Variants in MGAT4C observed in about 807,000 individuals in gnomAD.
MGAT4C encodes MGAT4 family member C.
A neutral mutation model predicts 40.1 loss-of-function variants in MGAT4C; 19 were observed. That is an observed-to-expected ratio of 0.47 (90% CI 0.33 to 0.70). The LOEUF is 0.70. Ranked by LOEUF, MGAT4C falls within the 30% of genes least tolerant of loss-of-function variation. MGAT4C has a pLI of 0.02. For missense variants in MGAT4C, 491 were observed against 563.2 expected (o/e 0.87, Z 1.30); for synonymous variants, 181 against 187.1 (o/e 0.97, Z 0.27).
intron 1 of MGAT4C, among the ~76,000 whole-genome samples, chr12:86,158,323 C>G (rs1178605253): frequency 1.3e-5 from 2 of 152,042 alleles, no homozygotes; most frequent in Non-Finnish European, 2.9e-5. Flanking sequence ...AAATTTTGAC[C>G]ATTTTTTACC....
chr12:86,032,913 C>A (rs1457972539), intron 2 of MGAT4C, among the ~76,000 whole-genome samples: 1 of 149,720 alleles, frequency 6.7e-6, no homozygotes, highest in Admixed American at 6.7e-5. Flanking sequence ...ACATTTAAGT[C>A]TTTAAATCAT....
At chr12:86,675,171 C>T (rs1964361789) in intron 2 of MGAT4C, among the ~76,000 whole-genome samples, 1 of 152,128 alleles carries the variant, frequency 6.6e-6, no homozygotes. Context: ...CAAGAGATGA[C>T]CCCCAGTAAA....
intron 1 of MGAT4C, among the ~76,000 whole-genome samples, chr12:86,069,075 G>A (rs1565936962): frequency 6.6e-6 from 1 of 152,066 alleles, no homozygotes; most frequent in African/African-American, 2.4e-5. Context: ...TGCTGCTGCG[G>A]TGCCCTCAGG....
At chr12:86,748,118 T>A (rs182501885) in intron 1 of MGAT4C, among the ~76,000 whole-genome samples, 93 of 151,724 alleles carry the variant, frequency 6.1e-4, no homozygotes, top group African/African-American at 2.1e-3. Context: ...AAAATTCCTT[T>A]GACCAAGCCA....
chr12:86,509,536 C>T (rs1205489102), intron 2 of MGAT4C, among the ~76,000 whole-genome samples: 4 of 152,134 alleles, frequency 2.6e-5, no homozygotes, highest in South Asian at 2.1e-4. Flanking sequence ...ATTGACTTGG[C>T]GATGGGGGCT....
chr12:86,315,122 G>A (rs1954172861), intron 4 of MGAT4C, among the ~76,000 whole-genome samples: 1 of 151,902 alleles, frequency 6.6e-6, no homozygotes, highest in South Asian at 2.1e-4. Context: ...ATACTATAAT[G>A]CCACAGTATC....
At chr12:86,683,904 G>A (rs1229939079) in intron 2 of MGAT4C, among the ~76,000 whole-genome samples, 1 of 152,050 alleles carries the variant, frequency 6.6e-6, no homozygotes, top group African/African-American at 2.4e-5. Flanking sequence ...ATTTCAACAT[G>A]CTCTTGTGCC....
At chr12:86,833,345 C>A (rs11104119) in intron 1 of MGAT4C, among the ~76,000 whole-genome samples, 52,312 of 151,638 alleles carry the variant, frequency 0.34, 10,042 homozygotes, top group Admixed American at 0.47. Flanking sequence ...CCTACAAAGT[C>A]AAAACATTTA....
chr12:86,430,819 A>G (rs1182269045), intron 3 of MGAT4C, among the ~76,000 whole-genome samples: 1 of 152,130 alleles, frequency 6.6e-6, no homozygotes, highest in African/African-American at 2.4e-5. Context: ...TTTTTTGGCT[A>G]TGTTGAGAGG....
chr12:86,197,955 G>C (rs1949888879), intron 1 of MGAT4C, among the ~76,000 whole-genome samples: 1 of 151,742 alleles, frequency 6.6e-6, no homozygotes. Context: ...TACTTGACCA[G>C]AAATTAAAAA....
At chr12:86,769,586 T>A (rs1255195496) in intron 1 of MGAT4C, among the ~76,000 whole-genome samples, 1 of 152,146 alleles carries the variant, frequency 6.6e-6, no homozygotes, top group Non-Finnish European at 1.5e-5. Flanking sequence ...TGCAGCACTA[T>A]TCACAATAGC....
chr12:86,537,521 A>G (rs1016076266), intron 2 of MGAT4C, among the ~76,000 whole-genome samples: 5 of 152,142 alleles, frequency 3.3e-5, no homozygotes, highest in Admixed American at 6.6e-5. Context: ...AAAAGGAAAA[A>G]AAAGTGAAGA....
chr12:86,170,786 C>G (rs1886741426), intron 1 of MGAT4C, among the ~76,000 whole-genome samples: 1 of 150,830 alleles, frequency 6.6e-6, no homozygotes, highest in South Asian at 2.1e-4. Flanking sequence ...AAACCCATCT[C>G]TACAAAAAAT....
intron 1 of MGAT4C, among the ~76,000 whole-genome samples, chr12:86,814,111 C>T (rs896181010): frequency 6.6e-6 from 1 of 151,834 alleles, no homozygotes; most frequent in African/African-American, 2.4e-5. Flanking sequence ...AGGGTTTCAC[C>T]GTGTTGCCCA....
chr12:86,531,052 T>C (rs928519609), intron 2 of MGAT4C, among the ~76,000 whole-genome samples: 1 of 152,044 alleles, frequency 6.6e-6, no homozygotes, highest in Non-Finnish European at 1.5e-5. Flanking sequence ...GAAAGGGGCA[T>C]TGGCCAACTA....
intron 2 of MGAT4C, among the ~76,000 whole-genome samples, chr12:86,494,417 C>T (rs2136326907): frequency 6.6e-6 from 1 of 151,534 alleles, no homozygotes; most frequent in Middle Eastern, 3.4e-3. Context: ...TTTTTTAGCC[C>T]CATGTCTTTC....
intron 2 of MGAT4C, among the ~76,000 whole-genome samples, chr12:86,487,143 C>A (rs1182053346): frequency 1.3e-5 from 2 of 152,124 alleles, no homozygotes; most frequent in Admixed American, 6.6e-5. Flanking sequence ...ATGATGATTT[C>A]TTGAATAGCA....
upstream of MGAT4C, among the ~76,000 whole-genome samples, chr12:86,257,035 A>G (rs192665488): frequency 2.2e-3 from 335 of 152,328 alleles, 2 homozygotes; most frequent in Non-Finnish European, 1.5e-3. Context: ...GAGATATTAA[A>G]AGCACATCAC....
intron 2 of MGAT4C, among the ~76,000 whole-genome samples, chr12:86,043,006 T>C (rs913896520): frequency 2.0e-5 from 3 of 152,282 alleles, no homozygotes; most frequent in Admixed American, 1.3e-4. Context: ...GCATTTAACC[T>C]TTCTTCTTTC....
Sources: gnomAD v4.1 joint callset for allele counts (sites outside exome capture counted in the v4.1 genomes callset) on GRCh38, gnomAD v4.1.1 for gene constraint, MANE v1.5 for transcripts, NCBI Gene and HGNC (gene_info 2026-07-23, HGNC 2026-07-21) for gene names.